CACNB4: variants seen among roughly 807,000 people sequenced by gnomAD.
CACNB4 encodes calcium voltage-gated channel auxiliary subunit beta 4, also known as voltage-dependent L-type calcium channel subunit beta-4.
Under a neutral mutation model 71.2 loss-of-function variants are expected in CACNB4, and 32 were observed. The observed-to-expected ratio is 0.45, with a 90% CI of 0.34 to 0.60. The LOEUF (loss-of-function observed/expected upper bound fraction) is 0.60. Ranked by LOEUF, CACNB4 falls within the 20% of genes least tolerant of loss-of-function variation. The pLI is 0.01. For missense variants in CACNB4, 464 were observed against 647.9 expected, an observed-to-expected ratio of 0.72 and a Z score of 3.08; for synonymous variants, 231 against 236.9, an observed-to-expected ratio of 0.97 and a Z score of 0.23.
At chr2:151,926,667 G>T (rs1247757379) in intron 2 of CACNB4, among the ~76,000 whole-genome samples, 1 of 152,200 alleles carries the variant, frequency 6.6e-6, no homozygotes, top group Non-Finnish European at 1.5e-5. Context: ...ATAGCCTATA[G>T]AAATTGTGGA....
intron 2 of CACNB4, among the ~76,000 whole-genome samples, chr2:152,083,878 G>A (rs911386939): frequency 6.6e-6 from 1 of 152,126 alleles, no homozygotes; most frequent in East Asian, 1.9e-4. Flanking sequence ...ATCCCATTCC[G>A]ATATCCTACT....
intron 2 of CACNB4, among the ~76,000 whole-genome samples, chr2:152,021,283 AT>A (rs1019144130): frequency 7.9e-5 from 12 of 152,072 alleles, no homozygotes; most frequent in African/African-American, 2.2e-4. Flanking sequence ...CATTAAAACA[AT>A]TTTTTTTCAA....
chr2:152,096,631 A>G (rs1269212810), intron 2 of CACNB4, among the ~76,000 whole-genome samples: 1 of 152,228 alleles, frequency 6.6e-6, no homozygotes, highest in Non-Finnish European at 1.5e-5. Flanking sequence ...TTATTTAAAA[A>G]AATCTACTTT....
intron 2 of CACNB4, among the ~76,000 whole-genome samples, chr2:151,963,871 C>G (rs2099870288): frequency 1.3e-5 from 2 of 151,964 alleles, no homozygotes. Flanking sequence ...AGTTCGAGAC[C>G]AGCCTGGCCA....
intron 2 of CACNB4, among the ~76,000 whole-genome samples, chr2:151,945,324 C>A (rs1275099507): frequency 1.3e-5 from 2 of 152,228 alleles, no homozygotes; most frequent in Non-Finnish European, 2.9e-5. Context: ...AAATCCTCCT[C>A]TCCTGCCTGC....
Position 152,008,785 on chromosome 2 carries a change from C to T in CACNB4, c.147+89545G>A, listed in dbSNP as rs544040661. ...ATGATCTCTTGCAGCCTGGGTGCAG[C>T]GGGGAGCTTGTTGGGAATGCAAAAT... On this transcript the variant is annotated intron_variant, in intron 2 of 13. Coordinates refer to ENST00000539935, the MANE Select transcript of CACNB4 (RefSeq NM_000726.5). 1.3e-3 allele frequency among the ~76,000 whole-genome samples: 205 copies of T among 152,218 alleles called. 1 individual carries two copies. Among genetic ancestry groups the T allele is most frequent in the African/African-American group, 4.7e-3 (195 of 41,532 alleles).
intron 2 of CACNB4, among the ~76,000 whole-genome samples, chr2:151,999,246 GC>G (rs1682254156): frequency 1.3e-5 from 2 of 151,996 alleles, no homozygotes; most frequent in Non-Finnish European, 2.9e-5. Flanking sequence ...GTTCATGTCC[GC>G]CCCCTCTGGG....
chr2:151,895,096 C>A (rs12999826), intron 2 of CACNB4, among the ~76,000 whole-genome samples: 573 of 22,280 alleles, frequency 0.026, 60 homozygotes, highest in East Asian at 0.087. Flanking sequence ...TCAAATAGCC[C>A]CACACACACA....
intron 2 of CACNB4, among the ~76,000 whole-genome samples, chr2:152,038,530 G>C (rs572010678): frequency 1.3e-5 from 2 of 152,346 alleles, no homozygotes; most frequent in South Asian, 4.1e-4. Flanking sequence ...GATGGAAGAG[G>C]ATAGGTGTGC....
At chr2:151,959,336 C>T (rs1417949125) in intron 2 of CACNB4, among the ~76,000 whole-genome samples, 2 of 152,132 alleles carry the variant, frequency 1.3e-5, no homozygotes, top group Non-Finnish European at 2.9e-5. Context: ...AATTCAAATA[C>T]CCTAAGAATC....
chr2:152,007,274 T>C (rs1024309254), intron 2 of CACNB4, among the ~76,000 whole-genome samples: 4 of 152,222 alleles, frequency 2.6e-5, no homozygotes, highest in Admixed American at 6.5e-5. Context: ...TACATTCAAA[T>C]TGATGTGCAA....
At chr2:151,853,184 A>G (rs569398728) in intron 12 of CACNB4, 17 of 350,198 alleles carry the variant, frequency 4.9e-5, no homozygotes, top group Non-Finnish European at 6.6e-5. Flanking sequence ...GGTTTGCTGC[A>G]TGTTTGCAAA....
rs1386025459 is a variant in CACNB4, at chr2:151,987,253, G to C, written c.148-103883C>G. Among the ~76,000 whole-genome samples the C allele has an allele frequency of 3.9e-5, 6 of 152,252 alleles. No individual in the cohort carries two copies. In the Middle Eastern group the frequency reaches 0.014, roughly 345 times the overall value. On this transcript the variant is annotated intron_variant, in intron 2 of 13. Transcript: ENST00000539935. ...CAAATTAATTGACAATGATGGATAG[G>C]CTACCTGAACTTCAAAACGTAAGTC...
At position 152,098,406 on chromosome 2, in the gene CACNB4, C is replaced by T. The variant is rs1372670513; in HGVS notation, c.71G>A (p.Arg24Gln). ...GPHSPTSQVA[R>Q]GTTTRRSRLK... ...CCTGCTCCTCCGGGTTGTGGTGCCT[C>T]GGGCCACCTGGACTCGACACACGGG... The change falls in exon 2 of 14, where the codon CGA (arginine) becomes CAA (glutamine). Residue 24 changes from arginine to glutamine, a missense_variant. By Grantham distance (43) the Arg-to-Gln change is conservative. Transcript: ENST00000539935. This position sits in a 1 kb window ranked among gnomAD's most constrained non-coding sequence, Gnocchi z 5.3. The T allele has an allele frequency of 1.9e-6, 3 of 1,613,178 alleles. No homozygotes were observed. The highest frequency in any genetic ancestry group is 2.2e-5 in the South Asian group (2 of 91,070).
At chr2:152,065,774 G>A (rs921963994) in intron 2 of CACNB4, among the ~76,000 whole-genome samples, 4 of 151,976 alleles carry the variant, frequency 2.6e-5, no homozygotes, top group African/African-American at 4.8e-5. Flanking sequence ...TTTAAGATGG[G>A]TTGTCACTCT....
chr2:151,865,089 A>T (rs1025388254), intron 9 of CACNB4, among the ~76,000 whole-genome samples: 14 of 152,238 alleles, frequency 9.2e-5, no homozygotes, highest in Admixed American at 2.0e-4. Flanking sequence ...TTTGAATAGA[A>T]AACAGTAGGA....
chr2:152,057,821 G>T (rs765339976), intron 2 of CACNB4, among the ~76,000 whole-genome samples: 32 of 142,906 alleles, frequency 2.2e-4, no homozygotes, highest in Non-Finnish European at 3.6e-4. Flanking sequence ...CAGGCAGAGG[G>T]AAGGAAACTT....
intron 2 of CACNB4, among the ~76,000 whole-genome samples, chr2:152,063,162 G>A (rs1195736164): frequency 6.6e-6 from 1 of 152,142 alleles, no homozygotes; most frequent in East Asian, 1.9e-4. Flanking sequence ...ACTGTTCAGT[G>A]AACTGTACAT....
intron 2 of CACNB4, among the ~76,000 whole-genome samples, chr2:152,017,963 G>C (rs1244431589): frequency 6.6e-6 from 1 of 151,774 alleles, no homozygotes; most frequent in East Asian, 2.0e-4. Context: ...CTCCAGAGTA[G>C]CCGGGATTAC....
Sources: gnomAD v4.1 joint callset for allele counts (sites outside exome capture counted in the v4.1 genomes callset) on GRCh38, gnomAD v4.1.1 for gene constraint, Gnocchi (gnomAD v3.1) non-coding constraint, MANE v1.5 for transcripts, NCBI Gene and HGNC (gene_info 2026-07-23, HGNC 2026-07-21) for gene names.